NRXN1: variants seen among roughly 807,000 people sequenced by gnomAD.
NRXN1 encodes neurexin 1.
NRXN1 carries 39 observed loss-of-function variants against 150.9 expected under a neutral mutation model. The observed-to-expected ratio is 0.26, with a 90% confidence interval of 0.20 to 0.34. NRXN1 has a LOEUF of 0.34. Among genes scored for constraint, NRXN1 ranks in the 10% least tolerant of loss-of-function variants. The pLI is 1.00. For missense variants in NRXN1, 1,815 were observed against 1,949.9 expected (o/e 0.93, Z 1.30); for synonymous variants, 924 against 757.0 (o/e 1.22, Z -3.62).
At chr2:50,405,119 A>T (rs2082668871) in intron 17 of NRXN1, among the ~76,000 whole-genome samples, 1 of 152,122 alleles carries the variant, frequency 6.6e-6, no homozygotes, top group Non-Finnish European at 1.5e-5. Context: ...ATTCTTCATA[A>T]ATCTTCAAAG....
chr2:50,779,832 G>GT (rs1193488085), intron 5 of NRXN1, among the ~76,000 whole-genome samples: 1 of 152,008 alleles, frequency 6.6e-6, no homozygotes, highest in African/African-American at 2.4e-5. Context: ...ATAAACATGT[G>GT]TGCATATGTC....
chr2:50,669,966 G>A (rs1209417702), intron 5 of NRXN1, among the ~76,000 whole-genome samples: 3 of 151,606 alleles, frequency 2.0e-5, no homozygotes, highest in African/African-American at 7.3e-5. Flanking sequence ...AATCCAAAAG[G>A]AGAACACAAC....
intron 5 of NRXN1, among the ~76,000 whole-genome samples, chr2:50,655,272 C>T (rs1686261865): frequency 6.6e-6 from 1 of 151,718 alleles, no homozygotes; most frequent in African/African-American, 2.4e-5. Context: ...AAACACCAAA[C>T]TATTTTTCAA....
intron 18 of NRXN1, among the ~76,000 whole-genome samples, chr2:50,207,899 T>C (rs959764470): frequency 1.3e-5 from 2 of 152,016 alleles, no homozygotes; most frequent in Admixed American, 1.3e-4. Context: ...CCATGTAGAG[T>C]AGGAGGGACA....
In NRXN1 at chr2:50,607,977, G is replaced by C. The variant is rs532363930; in HGVS notation, c.1320+12045C>G. Among the ~76,000 whole-genome samples, 8 of 151,896 alleles carry C rather than the reference G, an allele frequency of 5.3e-5. No homozygotes were observed. The South Asian group carries it at 1.7e-3, about 32-fold the overall frequency. Reference sequence around the variant, plus strand: ...TGCCCTCAGTGTAATCAGATGAGAAGATCCTGACTTCCATCTCCAGAAAGA... The same window carrying C: ...TGCCCTCAGTGTAATCAGATGAGAACATCCTGACTTCCATCTCCAGAAAGA... On this transcript the variant is annotated intron_variant, in intron 8 of 22. Transcript: ENST00000401669.
At chr2:49,956,565 G>GA (rs1256116671) in intron 21 of NRXN1, among the ~76,000 whole-genome samples, 10 of 151,920 alleles carry the variant, frequency 6.6e-5, no homozygotes, top group Non-Finnish European at 1.3e-4. Context: ...GCTACCTCAG[G>GA]AAAAAAGATC....
chr2:50,383,040 C>T (rs965713409), intron 17 of NRXN1, among the ~76,000 whole-genome samples: 3 of 152,110 alleles, frequency 2.0e-5, no homozygotes, highest in Non-Finnish European at 4.4e-5. Context: ...TGTTCTTGGT[C>T]ACAAGCAACT....
chr2:50,500,985 A>T (rs1016417204), intron 13 of NRXN1, among the ~76,000 whole-genome samples: 1 of 152,190 alleles, frequency 6.6e-6, no homozygotes, highest in African/African-American at 2.4e-5. Flanking sequence ...TCTACGGGAG[A>T]AAGGCAGACA....
At chr2:50,530,215 T>C (rs1216843109) in intron 11 of NRXN1, among the ~76,000 whole-genome samples, 1 of 152,152 alleles carries the variant, frequency 6.6e-6, no homozygotes, top group Non-Finnish European at 1.5e-5. Context: ...TTATTCTTCC[T>C]TTGATATGAG....
intron 5 of NRXN1, among the ~76,000 whole-genome samples, chr2:50,839,241 T>C (rs1438300592): frequency 4.6e-5 from 7 of 152,124 alleles, no homozygotes; most frequent in African/African-American, 1.4e-4. Flanking sequence ...AAAGATAAAA[T>C]TGAAATTCTT....
intron 2 of NRXN1, among the ~76,000 whole-genome samples, chr2:51,001,967 G>A (rs763969207): frequency 9.2e-5 from 14 of 151,900 alleles, no homozygotes; most frequent in Non-Finnish European, 2.1e-4. Flanking sequence ...CTCTGAAGAA[G>A]GGTCACACAG....
chr2:50,586,111 C>T (rs956678405), intron 8 of NRXN1, among the ~76,000 whole-genome samples: 4 of 152,192 alleles, frequency 2.6e-5, no homozygotes, highest in African/African-American at 9.6e-5. Context: ...TTTGCTCCAT[C>T]TACATTAGCC....
At chr2:50,010,276 G>T (rs777254887) in intron 21 of NRXN1, among the ~76,000 whole-genome samples, 33 of 152,070 alleles carry the variant, frequency 2.2e-4, no homozygotes, top group Non-Finnish European at 4.4e-4. Flanking sequence ...AGCTGGGATG[G>T]CCGAGATAAT....
In NRXN1 at chr2:50,552,946, C is replaced by A. The variant is rs749766261; in HGVS notation, c.1400G>T (p.Gly467Val). 2 of 1,613,686 alleles carry A rather than the reference C, an allele frequency of 1.2e-6. No individual in the cohort carries two copies. Among genetic ancestry groups the A allele is most frequent in the Non-Finnish European group, 1.7e-6 (2 of 1,179,746 alleles). The stretch of plus-strand genomic sequence containing the variant: ...ATTCTCACATTTAAATGCCACCACT[C>A]CATGGATCTTCATCTTAGGATCTCC... ...KQGDPKMKIHGVVAFKCENVA... is the reference protein window; with the variant it reads ...KQGDPKMKIHVVVAFKCENVA... The change falls in exon 9 of 23, where the codon GGA (glycine) becomes GTA (valine). Residue 467 changes from glycine to valine, a missense_variant. Gly to Val is a moderately radical substitution (Grantham distance 109). Transcript: ENST00000401669.
chr2:50,930,709 T>C (rs1043470002), intron 2 of NRXN1, among the ~76,000 whole-genome samples: 16 of 152,266 alleles, frequency 1.1e-4, no homozygotes, highest in East Asian at 5.8e-4. Flanking sequence ...ACTGTAAACA[T>C]GGTGACAAGC....
chr2:50,590,499 A>G (rs73930592), intron 8 of NRXN1, among the ~76,000 whole-genome samples: 4,379 of 152,180 alleles, frequency 0.029, 201 homozygotes, highest in African/African-American at 0.099. Flanking sequence ...AATGTATTGC[A>G]TTCCCCTGGA....
intron 5 of NRXN1, among the ~76,000 whole-genome samples, chr2:50,712,145 C>A (rs1363652370): frequency 1.3e-5 from 2 of 151,944 alleles, no homozygotes; most frequent in African/African-American, 2.4e-5. Context: ...TTAATCTTCA[C>A]AAAGATGCCA....
chr2:50,064,067 C>T (rs1389063193), intron 19 of NRXN1, among the ~76,000 whole-genome samples: 4 of 152,090 alleles, frequency 2.6e-5, no homozygotes, highest in South Asian at 2.1e-4. Flanking sequence ...CTTTGCAAAA[C>T]GTTATAGTAA....
At chr2:50,834,792 T>A (rs1671882564) in intron 5 of NRXN1, among the ~76,000 whole-genome samples, 1 of 152,104 alleles carries the variant, frequency 6.6e-6, no homozygotes, top group Non-Finnish European at 1.5e-5. Context: ...GAGTTGGGGC[T>A]CAGGGGTGCA....
Sources: allele counts gnomAD v4.1 joint callset (sites outside exome capture counted in the v4.1 genomes callset), GRCh38; gene constraint gnomAD v4.1.1; transcripts MANE v1.5; gene names NCBI Gene and HGNC (gene_info 2026-07-23, HGNC 2026-07-21).